Variants in CASR observed in about 807,000 individuals in gnomAD.
The protein encoded by CASR is extracellular calcium-sensing receptor.
In CASR, 23 loss-of-function variants were observed where a neutral mutation model predicts 69.1. The ratio of observed to expected loss-of-function variants is 0.33; its 90% CI spans 0.24 to 0.47. The LOEUF (loss-of-function observed/expected upper bound fraction) is 0.47, where lower values mean the gene tolerates loss of function less well. Ranked by LOEUF, CASR falls within the 20% of genes least tolerant of loss-of-function variation. The probability of loss-of-function intolerance (pLI) is 1.00; values close to 1 mark genes in which losing one functional copy is unlikely to be tolerated. For synonymous variants in CASR, 541 were observed against 544.7 expected (o/e 0.99, Z 0.10); for missense variants, 924 against 1,356.1 (o/e 0.68, Z 5.00).
At chr3:122,191,041 A>G (rs73858157) in intron 1 of CASR, among the ~76,000 whole-genome samples, 25,170 of 152,204 alleles carry the variant, frequency 0.17, 2,662 homozygotes, top group African/African-American at 0.3. Flanking sequence ...ACAGAACTCA[A>G]AGGATGTCCA....
intron 1 of CASR, among the ~76,000 whole-genome samples, chr3:122,229,936 A>G (rs2074263766): frequency 6.6e-6 from 1 of 152,120 alleles, no homozygotes; most frequent in South Asian, 2.1e-4. Context: ...GAGACTGTAC[A>G]TTTCTGTTCT....
intron 1 of CASR, among the ~76,000 whole-genome samples, chr3:122,228,926 C>T (rs901165718): frequency 6.6e-6 from 1 of 152,198 alleles, no homozygotes; most frequent in Non-Finnish European, 1.5e-5. Flanking sequence ...CAATGCCCCA[C>T]TCTTCTCAAA....
chr3:122,232,063 G>T (rs536833293), intron 1 of CASR, among the ~76,000 whole-genome samples: 1 of 152,144 alleles, frequency 6.6e-6, no homozygotes, highest in Non-Finnish European at 1.5e-5. Context: ...CAACACCTCA[G>T]CAGTTTTACT....
chr3:122,220,640 G>A (rs1265556793), intron 1 of CASR, among the ~76,000 whole-genome samples: 1 of 152,144 alleles, frequency 6.6e-6, no homozygotes, highest in Admixed American at 6.5e-5. Flanking sequence ...TTTGGTTGCT[G>A]GGTCCTCTTC....
intron 4 of CASR, among the ~76,000 whole-genome samples, chr3:122,275,422 C>T (rs893891372): frequency 5.3e-5 from 8 of 152,200 alleles, no homozygotes; most frequent in African/African-American, 1.9e-4. Context: ...TGTCCTTCCC[C>T]AATGCCCAGC....
chr3:122,267,716 C>T (rs1174955525), intron 4 of CASR, among the ~76,000 whole-genome samples: 1 of 152,158 alleles, frequency 6.6e-6, no homozygotes, highest in Admixed American at 6.5e-5. Context: ...CAAGCATATA[C>T]ATTTGCCCAA....
chr3:122,209,111 C>T (rs986799949), intron 1 of CASR, among the ~76,000 whole-genome samples: 1 of 152,122 alleles, frequency 6.6e-6, no homozygotes, highest in African/African-American at 2.4e-5. Context: ...GGGCTCCACC[C>T]CAGAGTTTAC....
At chr3:122,281,975 T>C (rs113610526) in intron 5 of CASR, 138 bp from the exon 6 acceptor site, 2 of 1,218,050 alleles carry the variant, frequency 1.6e-6, no homozygotes, top group South Asian at 2.7e-5. Context: ...GACCTCCCTT[T>C]GCCTGGAATG....
At chr3:122,276,679 A>G (rs2074825457) in intron 5 of CASR, among the ~76,000 whole-genome samples, 1 of 152,188 alleles carries the variant, frequency 6.6e-6, no homozygotes, top group Non-Finnish European at 1.5e-5. Context: ...GTAGTGTGAC[A>G]GCCCGGGCTG....
chr3:122,198,400 A>G (rs543362771), intron 1 of CASR, among the ~76,000 whole-genome samples: 2 of 152,344 alleles, frequency 1.3e-5, no homozygotes, highest in Non-Finnish European at 2.9e-5. Context: ...ACTAGGAGTC[A>G]TTAAATATTA....
rs1471714873 is a variant in CASR at position 122,283,618 on chromosome 3, C to T, written c.1733-69C>T. Reference sequence around the variant, plus strand: ...TCCAAAAAACTATGTATTCCCACCACCACATGTACACTCACACATTTTAGT... The same window carrying T: ...TCCAAAAAACTATGTATTCCCACCATCACATGTACACTCACACATTTTAGT... On this transcript the variant is annotated intron_variant, in intron 6 of 6. Coordinates refer to ENST00000639785, the MANE Select transcript of CASR (RefSeq NM_000388.4). 8.7e-6 allele frequency: 11 copies of T among 1,263,954 alleles called. No homozygotes were observed. The East Asian group carries it at 2.3e-4, about 27-fold the overall frequency. The allele number at this position is 1,263,954 out of a possible 1,614,324, so 78.3% of individuals were successfully genotyped here. A position where few individuals can be genotyped will look rare whatever the true frequency, so the allele number is the denominator to read the frequency against.
intron 1 of CASR, among the ~76,000 whole-genome samples, chr3:122,195,725 C>T (rs1354205245): frequency 4.6e-5 from 7 of 152,192 alleles, no homozygotes; most frequent in Admixed American, 4.6e-4. Flanking sequence ...TATGAGGTCT[C>T]ATGGCCAGTA....
chr3:122,264,673 A>G (rs1227330161), intron 4 of CASR, among the ~76,000 whole-genome samples: 2 of 152,194 alleles, frequency 1.3e-5, no homozygotes, highest in Non-Finnish European at 2.9e-5. Flanking sequence ...AACTCTAGGG[A>G]GGAATGACAT....
chr3:122,230,986 C>CT (rs1204779501), intron 1 of CASR, among the ~76,000 whole-genome samples: 4 of 152,226 alleles, frequency 2.6e-5, no homozygotes, highest in African/African-American at 9.6e-5. Flanking sequence ...ACCTGAAACT[C>CT]ATCTGTCCCC....
In CASR at chr3:122,285,233, T is replaced by G. The variant is rs763162623; in HGVS notation, c.*42T>G. Reference sequence around the variant, plus strand: ...TGGGCTAGGGAGAATGCAGAGAGGTTTCTTGGGGTCCCAGGGAAGAGGAAT... The same window carrying G: ...TGGGCTAGGGAGAATGCAGAGAGGTGTCTTGGGGTCCCAGGGAAGAGGAAT... On this transcript the variant is annotated 3_prime_UTR_variant, in exon 7 of 7. Transcript: ENST00000639785. 3.8e-6 allele frequency: 6 copies of G among 1,588,894 alleles called. No homozygotes were observed. Among genetic ancestry groups the G allele is most frequent in the Non-Finnish European group, 5.2e-6 (6 of 1,158,602 alleles).
intron 4 of CASR, among the ~76,000 whole-genome samples, chr3:122,275,237 T>C (rs951152689): frequency 1.3e-5 from 2 of 152,226 alleles, no homozygotes; most frequent in Non-Finnish European, 2.9e-5. Context: ...TAAAACCTTA[T>C]AAAAATTCAA....
chr3:122,213,818 T>C (rs1161577868), intron 1 of CASR, among the ~76,000 whole-genome samples: 1 of 152,230 alleles, frequency 6.6e-6, no homozygotes, highest in African/African-American at 2.4e-5. Context: ...GCAAGGATGA[T>C]CTGAGATGAC....
chr3:122,244,832 TAAG>T (rs958765951), intron 1 of CASR, among the ~76,000 whole-genome samples: 148 of 152,270 alleles, frequency 9.7e-4, no homozygotes, highest in African/African-American at 3.3e-3. Flanking sequence ...GGATGGAAGA[TAAG>T]AAGTATCAAT....
At chr3:122,263,101 C>T (rs1222194099) in intron 4 of CASR, among the ~76,000 whole-genome samples, 1 of 152,164 alleles carries the variant, frequency 6.6e-6, no homozygotes, top group Non-Finnish European at 1.5e-5. Context: ...ATTTCAAGAG[C>T]TTATATCCTA....
Sources: allele counts gnomAD v4.1 joint callset (sites outside exome capture counted in the v4.1 genomes callset), GRCh38; gene constraint gnomAD v4.1.1; transcripts MANE v1.5; gene names NCBI Gene and HGNC (gene_info 2026-07-23, HGNC 2026-07-21).